ASTN1: variants seen among roughly 807,000 people sequenced by gnomAD.
ASTN1 encodes astrotactin-1.
Under a neutral mutation model 140.7 loss-of-function variants are expected in ASTN1, and 41 were observed. The ratio of observed to expected loss-of-function variants is 0.29; its 90% CI spans 0.23 to 0.38. ASTN1 has a LOEUF of 0.38. ASTN1 is among the 10% of genes least tolerant of loss of function. ASTN1 has a pLI of 1.00. For missense variants in ASTN1, 1,479 were observed against 1,678.8 expected, an observed-to-expected ratio of 0.88 and a Z score of 2.08; for synonymous variants, 640 against 652.2, an observed-to-expected ratio of 0.98 and a Z score of 0.29.
intron 6 of ASTN1, among the ~76,000 whole-genome samples, 186 bp from the exon 7 acceptor site, chr1:177,023,757 AC>A (rs1344725791): frequency 6.6e-6 from 1 of 152,120 alleles, no homozygotes; most frequent in Non-Finnish European, 1.5e-5. Context: ...CATCACTTGG[AC>A]CTCTGTGAGG....
At chr1:177,042,714 T>C (rs1010163820) in intron 2 of ASTN1, among the ~76,000 whole-genome samples, 1 of 152,206 alleles carries the variant, frequency 6.6e-6, no homozygotes, top group African/African-American at 2.4e-5. Flanking sequence ...CTTATCCAAG[T>C]TTACATAGTA....
rs758944325 is a variant in ASTN1 at position 177,029,641 on chromosome 1, A to G, written c.1113T>C (p.Arg371=). The change falls in exon 5 of 23, where the codon CGT becomes CGC. Residue 371 remains arginine (R), a synonymous_variant. Transcript: ENST00000361833. ...CACCTCTATCATTCCTACCTCTACTACGCCTCCTGCTCCTTGAAGGATCCG... is the reference window on the plus strand; with the variant it reads ...CACCTCTATCATTCCTACCTCTACTGCGCCTCCTGCTCCTTGAAGGATCCG... ...FYTDPSRSRR[R]SRVGSPRSPV... 41 of 1,613,100 alleles carry G rather than the reference A, an allele frequency of 2.5e-5. No individual in the cohort carries two copies. Among genetic ancestry groups the G allele is most frequent in the Non-Finnish European group, 3.4e-5 (40 of 1,179,696 alleles).
intron 16 of ASTN1, among the ~76,000 whole-genome samples, chr1:176,908,296 C>T (rs1375721739): frequency 6.6e-6 from 1 of 152,186 alleles, no homozygotes; most frequent in Non-Finnish European, 1.5e-5. Context: ...AGCAGAGGCT[C>T]ACACACCCAC....
chr1:177,102,303 C>G (rs1680339114), intron 1 of ASTN1, among the ~76,000 whole-genome samples: 2 of 152,142 alleles, frequency 1.3e-5, no homozygotes, highest in South Asian at 2.1e-4. Flanking sequence ...AAGGTAGGTA[C>G]TATTGGTCTA....
intron 8 of ASTN1, among the ~76,000 whole-genome samples, chr1:176,972,123 T>A (rs1214107994): frequency 6.6e-6 from 1 of 152,176 alleles, no homozygotes; most frequent in African/African-American, 2.4e-5. Flanking sequence ...ATATTTATCA[T>A]CTAAACATAG....
chr1:177,122,739 C>T (rs976989979), intron 1 of ASTN1, among the ~76,000 whole-genome samples: 10 of 152,286 alleles, frequency 6.6e-5, no homozygotes, highest in South Asian at 4.1e-4. Context: ...ATCAGACACA[C>T]GGCCTTCCTG....
chr1:176,913,018 C>T (rs1336451430), intron 16 of ASTN1, among the ~76,000 whole-genome samples: 1 of 152,216 alleles, frequency 6.6e-6, no homozygotes, highest in Non-Finnish European at 1.5e-5. Context: ...CGTGCCCACC[C>T]CTGCAGGTAA....
chr1:177,127,449 C>T (rs1475094416), intron 1 of ASTN1, among the ~76,000 whole-genome samples: 2 of 152,178 alleles, frequency 1.3e-5, no homozygotes, highest in Admixed American at 6.5e-5. Flanking sequence ...ACTATTCCAC[C>T]CATGCCCATG....
At chr1:176,935,188 T>G (rs1258300214) in intron 15 of ASTN1, among the ~76,000 whole-genome samples, 1 of 152,302 alleles carries the variant, frequency 6.6e-6, no homozygotes, top group South Asian at 2.1e-4. Flanking sequence ...TGTCTCCTAT[T>G]AAGGCAAAGT....
At chr1:177,056,751 C>T (rs576180816) in intron 2 of ASTN1, among the ~76,000 whole-genome samples, 11 of 152,070 alleles carry the variant, frequency 7.2e-5, no homozygotes, top group Admixed American at 2.6e-4. Context: ...AACTCGTTTG[C>T]GTACTTTAAG....
intron 8 of ASTN1, among the ~76,000 whole-genome samples, chr1:176,968,313 A>G (rs1392426169): frequency 6.6e-6 from 1 of 152,258 alleles, no homozygotes; most frequent in Non-Finnish European, 1.5e-5. Flanking sequence ...TATAAATACT[A>G]TAAGGAGTGT....
At chr1:177,057,841 G>T (rs548605949) in intron 2 of ASTN1, among the ~76,000 whole-genome samples, 4 of 152,156 alleles carry the variant, frequency 2.6e-5, no homozygotes, top group African/African-American at 9.6e-5. Flanking sequence ...CTATCTTCTG[G>T]CTTTTGTAAT....
intron 1 of ASTN1, among the ~76,000 whole-genome samples, chr1:177,159,480 G>C (rs190217310): frequency 6.6e-6 from 1 of 152,212 alleles, no homozygotes; most frequent in Non-Finnish European, 1.5e-5. Context: ...TGTGTGAAAA[G>C]AATTGGGGAT....
At chr1:177,104,870 A>G (rs535439085) in intron 1 of ASTN1, among the ~76,000 whole-genome samples, 3 of 152,352 alleles carry the variant, frequency 2.0e-5, no homozygotes, top group African/African-American at 7.2e-5. Flanking sequence ...CACACTTTAC[A>G]ACTGTGAAAT....
chr1:176,881,907 ACCTTGACTC>A (rs1668815842), intron 20 of ASTN1, among the ~76,000 whole-genome samples: 5 of 152,164 alleles, frequency 3.3e-5, no homozygotes, highest in Admixed American at 2.0e-4. Flanking sequence ...TATTCTGGAA[ACCTTGACTC>A]TATTCTCGTG....
intron 8 of ASTN1, among the ~76,000 whole-genome samples, chr1:177,002,610 A>G (rs574926932): frequency 6.6e-6 from 1 of 152,320 alleles, no homozygotes; most frequent in South Asian, 2.1e-4. Flanking sequence ...AAAAATAGAT[A>G]AAGTAGAAAA....
chr1:176,905,633 A>G (rs111393462), intron 16 of ASTN1, among the ~76,000 whole-genome samples: 36 of 152,058 alleles, frequency 2.4e-4, no homozygotes, highest in African/African-American at 7.7e-4. Context: ...TGCCTGCTGG[A>G]GCCACAGGCC....
intron 16 of ASTN1, among the ~76,000 whole-genome samples, chr1:176,895,089 G>T (rs1195055251): frequency 6.6e-6 from 1 of 152,156 alleles, no homozygotes; most frequent in Non-Finnish European, 1.5e-5. Context: ...ATCTCTAGAG[G>T]GATCGGGCTC....
At chr1:177,099,957 A>G (rs1322700497) in intron 1 of ASTN1, among the ~76,000 whole-genome samples, 2 of 152,218 alleles carry the variant, frequency 1.3e-5, no homozygotes, top group African/African-American at 4.8e-5. Context: ...TTAAAGCTGG[A>G]TGGGCTCTTA....
Sources: allele counts gnomAD v4.1 joint callset (sites outside exome capture counted in the v4.1 genomes callset), GRCh38; gene constraint gnomAD v4.1.1; transcripts MANE v1.5; gene names NCBI Gene and HGNC (gene_info 2026-07-23, HGNC 2026-07-21).